The following HOMER1 variants were observed in gnomAD, a reference collection of about 807,000 sequenced individuals.
The protein encoded by HOMER1 is homer protein homolog 1.
In HOMER1, 3 loss-of-function variants were observed where a neutral mutation model predicts 48.9. That is an observed-to-expected ratio of 0.06 (90% CI 0.03 to 0.16). The LOEUF (loss-of-function observed/expected upper bound fraction) is 0.16, where lower values mean the gene tolerates loss of function less well. Ranked by LOEUF, HOMER1 falls within the 10% of genes least tolerant of loss-of-function variation. The probability of loss-of-function intolerance (pLI) is 1.00; values close to 1 mark genes in which losing one functional copy is unlikely to be tolerated. For missense variants in HOMER1, 247 were observed against 411.4 expected, an observed-to-expected ratio of 0.60 and a Z score of 3.46; for synonymous variants, 134 against 146.4, an observed-to-expected ratio of 0.92 and a Z score of 0.61.
intron 1 of HOMER1, among the ~76,000 whole-genome samples, chr5:79,490,088 C>G (rs1303045671): frequency 6.6e-6 from 1 of 152,162 alleles, no homozygotes; most frequent in Non-Finnish European, 1.5e-5. Context: ...CTTACCAGGG[C>G]AGGGATTTTC....
chr5:79,379,114 A>ATATATATATATATATATAT (rs70975748), intron 8 of HOMER1, among the ~76,000 whole-genome samples: 1 of 82,288 alleles, frequency 1.2e-5, no homozygotes, highest in Non-Finnish European at 2.3e-5. Context: ...ATATATATAT[A>ATATATATATATATATATAT]AAATATATAA....
intron 5 of HOMER1, among the ~76,000 whole-genome samples, chr5:79,424,289 A>G (rs1750183140): frequency 6.6e-6 from 1 of 152,004 alleles, no homozygotes; most frequent in South Asian, 2.1e-4. Flanking sequence ...TAGATTCCAG[A>G]AGAGGTATGA....
At chr5:79,463,854 A>G (rs1012850280) in intron 1 of HOMER1, among the ~76,000 whole-genome samples, 1 of 152,248 alleles carries the variant, frequency 6.6e-6, no homozygotes. Flanking sequence ...TGGAACTGGC[A>G]AAAATTCACC....
At chr5:79,447,187 G>A (rs1750908423) in intron 3 of HOMER1, 42 bp from the exon 4 acceptor site, 1 of 1,228,630 alleles carries the variant, frequency 8.1e-7, no homozygotes, top group Non-Finnish European at 1.2e-6. Context: ...AATAAAAATA[G>A]GTCACAGTGC....
At position 79,513,533 on chromosome 5, in the gene HOMER1, A is replaced by C. The variant is rs1380105395; in HGVS notation, c.-759T>G. 1 of 152,550 alleles carries C rather than the reference A, an allele frequency of 6.6e-6. No individual in the cohort carries two copies. Among genetic ancestry groups the C allele is most frequent in the Non-Finnish European group, 1.5e-5 (1 of 68,366 alleles). 9.4% of individuals were successfully genotyped at this position (152,550 alleles called of 1,614,324 possible). A position where few individuals can be genotyped will look rare whatever the true frequency, so the allele number is the denominator to read the frequency against. On this transcript the variant is annotated 5_prime_UTR_variant, in exon 1 of 9. Coordinates refer to ENST00000334082, the MANE Select transcript of HOMER1 (RefSeq NM_004272.5). ...TGGCAGCAGGCTGGGGGCGCAGCGCACGCCGGAGAGCTGGAGGAGGGGACC... is the reference window on the plus strand; with the variant it reads ...TGGCAGCAGGCTGGGGGCGCAGCGCCCGCCGGAGAGCTGGAGGAGGGGACC...
At chr5:79,497,022 T>C (rs1752439433) in intron 1 of HOMER1, among the ~76,000 whole-genome samples, 1 of 130,078 alleles carries the variant, frequency 7.7e-6, no homozygotes, top group Non-Finnish European at 1.5e-5. Flanking sequence ...ATCATACCAC[T>C]GCACTCTAGC....
chr5:79,397,765 T>C (rs963986646), intron 6 of HOMER1, 128 bp from the exon 7 acceptor site: 1 of 513,112 alleles, frequency 1.9e-6, no homozygotes, highest in African/African-American at 2.0e-5. Context: ...TTGAGAAATA[T>C]TAAGACACTC....
intron 5 of HOMER1, among the ~76,000 whole-genome samples, chr5:79,416,463 A>G (rs1369265299): frequency 1.3e-5 from 2 of 152,206 alleles, no homozygotes; most frequent in East Asian, 1.9e-4. Flanking sequence ...GAGCACAGCA[A>G]AAGTCTAGCT....
chr5:79,445,570 T>C (rs1441363125), intron 4 of HOMER1, among the ~76,000 whole-genome samples: 1 of 149,128 alleles, frequency 6.7e-6, no homozygotes, highest in Non-Finnish European at 1.5e-5. Flanking sequence ...CTATAACCAT[T>C]GTCTCAGTGC....
intron 1 of HOMER1, among the ~76,000 whole-genome samples, chr5:79,484,340 G>C (rs1342801677): frequency 6.6e-6 from 1 of 151,986 alleles, no homozygotes; most frequent in Non-Finnish European, 1.5e-5. Context: ...ATAAAGAACA[G>C]ATGGAACAAA....
intron 1 of HOMER1, among the ~76,000 whole-genome samples, chr5:79,504,484 A>G (rs1217215917): frequency 6.6e-6 from 1 of 152,000 alleles, no homozygotes; most frequent in African/African-American, 2.4e-5. Flanking sequence ...GGTTCAAAAT[A>G]TTTGTCCCAT....
At chr5:79,481,873 T>C (rs1186088983) in intron 1 of HOMER1, among the ~76,000 whole-genome samples, 2 of 152,216 alleles carry the variant, frequency 1.3e-5, no homozygotes, top group African/African-American at 4.8e-5. Flanking sequence ...GAAAAGATCA[T>C]ACTGTTTCCA....
chr5:79,423,253 G>C (rs1378195009), intron 5 of HOMER1, among the ~76,000 whole-genome samples: 1 of 152,074 alleles, frequency 6.6e-6, no homozygotes, highest in East Asian at 1.9e-4. Context: ...CTTTTTGCTG[G>C]TTATGATTTA....
chr5:79,464,638 G>A (rs1262822860), intron 1 of HOMER1, among the ~76,000 whole-genome samples: 2 of 152,060 alleles, frequency 1.3e-5, no homozygotes, highest in Non-Finnish European at 2.9e-5. Flanking sequence ...TCAGGGAACT[G>A]GTTTAAATCT....
Position 79,447,049 on chromosome 5 carries a change from C to G in HOMER1, c.387+4G>C. The G allele has an allele frequency of 6.6e-7, 1 of 1,507,370 alleles. No individual in the cohort carries two copies. Among genetic ancestry groups the G allele is most frequent in the South Asian group, 1.1e-5 (1 of 88,948 alleles). 93.4% of individuals were successfully genotyped at this position (1,507,370 alleles called of 1,614,324 possible). A position where few individuals can be genotyped will look rare whatever the true frequency, so the allele number is the denominator to read the frequency against. On this transcript the variant is annotated splice_donor_region_variant and intron_variant, in intron 4 of 8. Transcript: ENST00000334082. ...ATAATTAAGAATAGAAATGATATACCCACCTGTGAAGGTGTACTGGTAAGT... is the reference window on the plus strand; with the variant it reads ...ATAATTAAGAATAGAAATGATATACGCACCTGTGAAGGTGTACTGGTAAGT...
chr5:79,414,588 A>C (rs1300809468), intron 5 of HOMER1, among the ~76,000 whole-genome samples: 1 of 152,124 alleles, frequency 6.6e-6, no homozygotes, highest in Non-Finnish European at 1.5e-5. Flanking sequence ...TATGTTGCCC[A>C]GGCTGGTCTT....
chr5:79,378,327 G>T (rs1461984879), intron 8 of HOMER1, among the ~76,000 whole-genome samples: 1 of 151,088 alleles, frequency 6.6e-6, no homozygotes, highest in Non-Finnish European at 1.5e-5. Context: ...TGCTACAGAT[G>T]AGTTGCAAGA....
intron 5 of HOMER1, among the ~76,000 whole-genome samples, chr5:79,437,111 G>A (rs537544158): frequency 6.6e-6 from 1 of 152,048 alleles, no homozygotes; most frequent in African/African-American, 2.4e-5. Flanking sequence ...ACCAATTCCA[G>A]GTAGTAACTC....
chr5:79,447,998 A>T, intron 3 of HOMER1, among the ~76,000 whole-genome samples: 1 of 152,152 alleles, frequency 6.6e-6, no homozygotes, highest in East Asian at 1.9e-4. Context: ...ACCCTCATAA[A>T]CGAACTCTGA....
Sources: allele counts gnomAD v4.1 joint callset (sites outside exome capture counted in the v4.1 genomes callset), GRCh38; gene constraint gnomAD v4.1.1; transcripts MANE v1.5; gene names NCBI Gene and HGNC (gene_info 2026-07-23, HGNC 2026-07-21).